LRP1B: variants seen among roughly 807,000 people sequenced by gnomAD.
LRP1B encodes LDL receptor related protein 1B.
Under a neutral mutation model 556.6 loss-of-function variants are expected in LRP1B, and 217 were observed. The ratio of observed to expected loss-of-function variants is 0.39; its 90% CI spans 0.35 to 0.44. LRP1B has a LOEUF of 0.44. LRP1B is among the 20% of genes least tolerant of loss of function. The pLI, the probability that LRP1B is intolerant of heterozygous loss-of-function variation, is 1.00. For missense variants in LRP1B, 5,053 were observed against 5,620.8 expected, an observed-to-expected ratio of 0.90 and a Z score of 3.23; for synonymous variants, 2,047 against 1,865.8, an observed-to-expected ratio of 1.10 and a Z score of -2.50.
intron 2 of LRP1B, among the ~76,000 whole-genome samples, chr2:141,550,725 G>A (rs1228406077): frequency 1.3e-5 from 2 of 151,946 alleles, no homozygotes. Context: ...TTAAAAAGAA[G>A]CAAATTTAAT....
intron 54 of LRP1B, among the ~76,000 whole-genome samples, chr2:140,502,569 A>G (rs1429418290): frequency 6.6e-6 from 1 of 152,052 alleles, no homozygotes; most frequent in African/African-American, 2.4e-5. Context: ...AATGATATGC[A>G]ATGTTTCATC....
At chr2:140,712,433 C>T (rs745631328) in intron 37 of LRP1B, among the ~76,000 whole-genome samples, 5 of 152,028 alleles carry the variant, frequency 3.3e-5, no homozygotes, top group Non-Finnish European at 4.4e-5. Flanking sequence ...TGCCTCCCTG[C>T]TTTCTGTCTG....
intron 2 of LRP1B, among the ~76,000 whole-genome samples, chr2:141,667,456 A>C (rs1019895070): frequency 6.6e-5 from 10 of 152,172 alleles, no homozygotes; most frequent in Admixed American, 5.9e-4. Flanking sequence ...ATAGACATTA[A>C]ATTGAATACA....
chr2:140,891,171 A>G (rs767371148), intron 23 of LRP1B, among the ~76,000 whole-genome samples: 1 of 152,140 alleles, frequency 6.6e-6, no homozygotes. Flanking sequence ...TAAGTGACAA[A>G]TTTCATTTTT....
chr2:141,037,905 A>AC (rs1558816784), intron 11 of LRP1B, among the ~76,000 whole-genome samples: 1 of 150,898 alleles, frequency 6.6e-6, no homozygotes, highest in African/African-American at 2.4e-5. Flanking sequence ...CTCACATACA[A>AC]ACACACACAC....
At chr2:141,333,674 A>G (rs1687742818) in intron 3 of LRP1B, among the ~76,000 whole-genome samples, 1 of 152,228 alleles carries the variant, frequency 6.6e-6, no homozygotes, top group African/African-American at 2.4e-5. Context: ...TAAAATAGTT[A>G]GATAAATATT....
intron 23 of LRP1B, chr2:140,898,748 C>A: frequency 1.7e-6 from 1 of 571,462 alleles, no homozygotes; most frequent in South Asian, 1.5e-5. Context: ...AACTCTCTAC[C>A]CTCAAGACCC....
chr2:140,826,241 T>A (rs1386350952), intron 31 of LRP1B, among the ~76,000 whole-genome samples: 1 of 152,134 alleles, frequency 6.6e-6, no homozygotes, highest in East Asian at 1.9e-4. Context: ...AACATTTTGG[T>A]ATAACATTGA....
At chr2:140,386,591 G>T (rs1683769519) in intron 66 of LRP1B, among the ~76,000 whole-genome samples, 1 of 152,122 alleles carries the variant, frequency 6.6e-6, no homozygotes, top group Non-Finnish European at 1.5e-5. Flanking sequence ...CATCTCACAT[G>T]AACCTTTAAA....
intron 1 of LRP1B, among the ~76,000 whole-genome samples, chr2:142,058,535 G>T (rs766726142): frequency 6.6e-6 from 1 of 152,054 alleles, no homozygotes; most frequent in South Asian, 2.1e-4. Flanking sequence ...TTCTCAAAAC[G>T]TTATGAGGTT....
At chr2:140,844,172 C>T (rs2105105366) in intron 29 of LRP1B, among the ~76,000 whole-genome samples, 1 of 152,156 alleles carries the variant, frequency 6.6e-6, no homozygotes, top group East Asian at 1.9e-4. Context: ...AGCAATTCTC[C>T]TGCCTCAGCC....
intron 2 of LRP1B, among the ~76,000 whole-genome samples, chr2:141,636,442 G>A (rs187036222): frequency 0.01 from 1,555 of 152,150 alleles, 21 homozygotes; most frequent in Non-Finnish European, 0.016. Context: ...CACAAGGTTG[G>A]AAAAATAATT....
chr2:141,310,182 A>G (rs1686759712), intron 3 of LRP1B, among the ~76,000 whole-genome samples: 1 of 152,112 alleles, frequency 6.6e-6, no homozygotes, highest in Admixed American at 6.5e-5. Flanking sequence ...AAGAAATGAG[A>G]CCTCAAGAAA....
chr2:141,243,162 A>G (rs1035640197), intron 5 of LRP1B, among the ~76,000 whole-genome samples: 1 of 148,660 alleles, frequency 6.7e-6, no homozygotes, highest in African/African-American at 2.5e-5. Flanking sequence ...TTTTCATATG[A>G]CAAGTTCTAA....
chr2:140,312,116 G>C (rs138822026), intron 83 of LRP1B, among the ~76,000 whole-genome samples: 215 of 152,016 alleles, frequency 1.4e-3, no homozygotes, highest in African/African-American at 4.9e-3. Context: ...GTGGCAGAGA[G>C]AGCTACAATG....
chr2:142,130,596 G>T (rs1214465072), intron 1 of LRP1B, 52 bp downstream of exon 1: 3 of 1,472,328 alleles, frequency 2.0e-6, no homozygotes, highest in Admixed American at 3.8e-5. Context: ...GCATCGCCCA[G>T]CAGGAAAGCC....
intron 11 of LRP1B, among the ~76,000 whole-genome samples, chr2:141,038,254 T>C (rs919459203): frequency 3.0e-4 from 45 of 151,986 alleles, no homozygotes; most frequent in African/African-American, 9.9e-4. Flanking sequence ...AGCACAAAAG[T>C]GGGAAACAAG....
Position 140,317,540 on chromosome 2 carries a change from C to T in LRP1B, c.12641-2441G>A, listed in dbSNP as rs997960435. On this transcript the variant is annotated intron_variant, in intron 82 of 90. Transcript: ENST00000389484. ...GCATACTAAATTGAAGATGCCCTTG[C>T]AAATGTAAGTGGGAATCTCCAGCAA... Among the ~76,000 whole-genome samples the T allele has an allele frequency of 1.7e-4, 26 of 152,174 alleles. No individual in the cohort carries two copies. In the East Asian group the frequency reaches 4.8e-3, roughly 28 times the overall value.
chr2:140,679,604 C>T (rs1219067121), intron 41 of LRP1B, among the ~76,000 whole-genome samples: 2 of 152,162 alleles, frequency 1.3e-5, no homozygotes, highest in Non-Finnish European at 2.9e-5. Flanking sequence ...TCAACCCCTC[C>T]GTACTGTAAC....
Sources: allele counts gnomAD v4.1 joint callset (sites outside exome capture counted in the v4.1 genomes callset), GRCh38; gene constraint gnomAD v4.1.1; transcripts MANE v1.5; gene names NCBI Gene and HGNC (gene_info 2026-07-23, HGNC 2026-07-21).